Variants in RIPOR2 observed in about 807,000 individuals in gnomAD.
RIPOR2 encodes rho family-interacting cell polarization regulator 2.
RIPOR2 carries 39 observed loss-of-function variants against 114.5 expected under a neutral mutation model. The ratio of observed to expected loss-of-function variants is 0.34; its 90% CI spans 0.26 to 0.44. The LOEUF (loss-of-function observed/expected upper bound fraction) is 0.44. Ranked by LOEUF, RIPOR2 falls within the 20% of genes least tolerant of loss-of-function variation. RIPOR2 has a pLI of 1.00. For missense variants in RIPOR2, 1,007 were observed against 1,255.1 expected (o/e 0.80, Z 2.99); for synonymous variants, 445 against 484.4 (o/e 0.92, Z 1.07).
At chr6:24,911,329 C>T (rs1286181996) in intron 1 of RIPOR2, among the ~76,000 whole-genome samples, 1 of 152,106 alleles carries the variant, frequency 6.6e-6, no homozygotes, top group Admixed American at 6.5e-5. Context: ...TGGAATCGCG[C>T]CGGGGAGCGA....
upstream of RIPOR2, among the ~76,000 whole-genome samples, chr6:24,939,076 T>C (rs932780084): frequency 2.0e-5 from 3 of 152,190 alleles, no homozygotes; most frequent in Non-Finnish European, 4.4e-5. Context: ...TTGATTCACT[T>C]AATTCCTATA....
intron 1 of RIPOR2, among the ~76,000 whole-genome samples, chr6:24,984,389 G>A (rs909336462): frequency 2.0e-5 from 3 of 152,000 alleles, no homozygotes; most frequent in Non-Finnish European, 4.4e-5. Flanking sequence ...CTCCAGGGTG[G>A]GGAGAATTAC....
At chr6:24,871,924 C>A (rs1311141036) in intron 4 of RIPOR2, among the ~76,000 whole-genome samples, 3 of 152,142 alleles carry the variant, frequency 2.0e-5, no homozygotes, top group Non-Finnish European at 4.4e-5. Context: ...TAGATGCAGG[C>A]AATTTATATC....
chr6:24,928,852 CT>C (rs1382930723), intron 1 of RIPOR2, among the ~76,000 whole-genome samples: 3 of 152,176 alleles, frequency 2.0e-5, no homozygotes, highest in African/African-American at 7.2e-5. Context: ...CTTTACAAAG[CT>C]AGATCCGAGT....
At chr6:24,997,149 G>A (rs73384148) in intron 1 of RIPOR2, among the ~76,000 whole-genome samples, 3,400 of 152,298 alleles carry the variant, frequency 0.022, 58 homozygotes, top group African/African-American at 0.048. Context: ...GCAGGCCATA[G>A]CACACAACAA....
chr6:24,971,713 T>G (rs1057116927), intron 1 of RIPOR2, among the ~76,000 whole-genome samples: 3 of 152,252 alleles, frequency 2.0e-5, no homozygotes, highest in African/African-American at 7.2e-5. Flanking sequence ...TGGAGCTAGA[T>G]GGAACCATGA....
chr6:24,847,548 CT>C, intron 12 of RIPOR2: 1 of 1,551,522 alleles, frequency 6.4e-7, no homozygotes, highest in Middle Eastern at 1.7e-4. Context: ...TCACATAGAG[CT>C]CTAGCACGGC....
At position 25,012,478 on chromosome 6, in the gene RIPOR2, C is replaced by T. The variant is rs182490757; in HGVS notation, c.76+29373G>A. Among the ~76,000 whole-genome samples the T allele has an allele frequency of 3.8e-3, 583 of 152,176 alleles. 5 individuals carry two copies. Among genetic ancestry groups the T allele is most frequent in the Non-Finnish European group, 3.1e-3 (212 of 67,998 alleles). On this transcript the variant is annotated intron_variant, in intron 1 of 13. Transcript: ENST00000510784. ...AGCCAAAAAGAAACAACCTAAATGTCCATCAATAGAGAAAATGGGTAAACA... is the reference window on the plus strand; with the variant it reads ...AGCCAAAAAGAAACAACCTAAATGTTCATCAATAGAGAAAATGGGTAAACA...
chr6:24,842,252 A>T (rs1307745192), intron 13 of RIPOR2, among the ~76,000 whole-genome samples: 1 of 152,146 alleles, frequency 6.6e-6, no homozygotes, highest in African/African-American at 2.4e-5. Flanking sequence ...CGAGGAAATC[A>T]TCCTTCTCAT....
chr6:24,941,194 A>G (rs1772115346), intron 1 of RIPOR2, among the ~76,000 whole-genome samples: 1 of 152,098 alleles, frequency 6.6e-6, no homozygotes, highest in African/African-American at 2.4e-5. Flanking sequence ...CTTCAATGGG[A>G]CTAAAGACAA....
chr6:24,921,615 C>T (rs768208214), intron 1 of RIPOR2, among the ~76,000 whole-genome samples: 5 of 151,972 alleles, frequency 3.3e-5, no homozygotes, highest in Non-Finnish European at 5.9e-5. Flanking sequence ...CCTATTCTGC[C>T]CACCCTGCAC....
chr6:25,035,785 C>G (rs567689741), intron 1 of RIPOR2, among the ~76,000 whole-genome samples: 103 of 152,268 alleles, frequency 6.8e-4, no homozygotes, highest in African/African-American at 2.4e-3. Context: ...AGTGGGTAGC[C>G]TTGTGCAGAT....
chr6:25,035,554 T>C (rs1777201906), intron 1 of RIPOR2, among the ~76,000 whole-genome samples: 1 of 152,184 alleles, frequency 6.6e-6, no homozygotes, highest in Admixed American at 6.5e-5. Flanking sequence ...TCTGGGACAC[T>C]TGGGTGCTTG....
rs1308410338 is a variant in RIPOR2 at position 24,805,033 on chromosome 6, C to T, written c.*1340G>A. ...ACCACCCCTCAGGATGTCCTTCTTT[C>T]TAATCCCACGGTCATTTTTACAGAA... On this transcript the variant is annotated 3_prime_UTR_variant, in exon 22 of 22. Transcript: ENST00000643898. The T allele has an allele frequency of 6.6e-6, 1 of 152,080 alleles. No individual in the cohort carries two copies. The highest frequency in any genetic ancestry group is 6.6e-5 in the Admixed American group (1 of 15,262). 9.4% of individuals were successfully genotyped at this position (152,080 alleles called of 1,614,324 possible).
chr6:24,847,980 G>A (rs1363446949), intron 12 of RIPOR2, 45 bp downstream of exon 12: 1 of 1,612,110 alleles, frequency 6.2e-7, no homozygotes, highest in East Asian at 2.2e-5. Flanking sequence ...TGCAAGCACT[G>A]GCTCAGGTGC....
chr6:24,833,819 T>A (rs752941293), intron 15 of RIPOR2, among the ~76,000 whole-genome samples: 7 of 152,212 alleles, frequency 4.6e-5, no homozygotes, highest in Non-Finnish European at 8.8e-5. Context: ...TGAATTGTTA[T>A]AATCATGGCC....
chr6:24,986,426 A>T lies in RIPOR2; in HGVS notation c.76+55425T>A, dbSNP rs57148456. 9.7e-3 allele frequency among the ~76,000 whole-genome samples: 1,484 copies of T among 152,330 alleles called. 27 individuals are homozygous for T. Among genetic ancestry groups the T allele is most frequent in the African/African-American group, 0.032 (1,346 of 41,564 alleles). On this transcript the variant is annotated intron_variant, in intron 1 of 13. Transcript: ENST00000510784. ...GTTGTTTTAGCACTGAAAACTTTTT[A>T]AAAAGGCAATTACATCTGGTAGACC...
intron 1 of RIPOR2, among the ~76,000 whole-genome samples, chr6:24,903,414 G>A (rs113958996): frequency 3.9e-5 from 6 of 152,104 alleles, no homozygotes; most frequent in African/African-American, 7.2e-5. Context: ...AAGATCATGC[G>A]GGGTGGGAGT....
At chr6:24,929,036 G>T (rs1287797379) in intron 1 of RIPOR2, among the ~76,000 whole-genome samples, 1 of 152,070 alleles carries the variant, frequency 6.6e-6, no homozygotes, top group African/African-American at 2.4e-5. Context: ...TGAAAAAATT[G>T]AAGATAGAGA....
Sources: gnomAD v4.1 joint callset for allele counts (sites outside exome capture counted in the v4.1 genomes callset) on GRCh38, gnomAD v4.1.1 for gene constraint, MANE v1.5 for transcripts, NCBI Gene and HGNC (gene_info 2026-07-23, HGNC 2026-07-21) for gene names.